The following DIAPH1 variants were observed in gnomAD, a reference collection of about 807,000 sequenced individuals.
DIAPH1 encodes the protein protein diaphanous homolog 1.
A neutral mutation model predicts 140.7 loss-of-function variants in DIAPH1; 46 were observed. That is an observed-to-expected ratio of 0.33 (90% CI 0.26 to 0.42). The LOEUF is 0.42. DIAPH1 is among the 10% of genes least tolerant of loss of function. The pLI is 1.00. For synonymous variants in DIAPH1, 565 were observed against 551.6 expected, an observed-to-expected ratio of 1.02 and a Z score of -0.34; for missense variants, 1,310 against 1,558.7, an observed-to-expected ratio of 0.84 and a Z score of 2.69.
rs548134926 is a variant in DIAPH1 at position 141,573,695 on chromosome 5, G to A, written c.2155C>T (p.Pro719Ser). ...GEAGMPPPPP[P>S]LPGGPGIPPP... ...GGGATTCCAGGACCACCAGGAAGAG[G>A]GGGAGGAGGAGGTGGCATTCCTGCT... Residue 719 changes from proline (P) to serine (S), a missense_variant, in exon 16 of 28, where the codon CCT becomes TCT. Physicochemically the swap from Pro to Ser is moderately conservative, Grantham distance 74. Around this residue, in one of 3 missense-constraint regions of DIAPH1, gnomAD observed 589 missense variants for 549.3 expected, o/e 1.07. Transcript: ENST00000389054. 3.1e-6 allele frequency: 5 copies of A among 1,602,992 alleles called. No individual in the cohort carries two copies. The highest frequency in any genetic ancestry group is 2.2e-5 in the East Asian group (1 of 44,602).
At chr5:141,569,264 G>A (rs1326380986) in intron 18 of DIAPH1, among the ~76,000 whole-genome samples, 6 of 152,042 alleles carry the variant, frequency 3.9e-5, no homozygotes, top group Non-Finnish European at 8.8e-5. Context: ...TTTTTATACA[G>A]TTTGGAAAAA....
intron 1 of DIAPH1, chr5:141,618,493 A>AGGCTGAGAGGGGAGAGACGG (rs1225108745): frequency 4.2e-5 from 12 of 285,990 alleles, no homozygotes; most frequent in Admixed American, 2.2e-4. Context: ...AAAGGAAGTG[A>AGGCTGAGAGGGGAGAGACGG]GGCTGAGAGG....
chr5:141,532,027 G>T (rs1381049077), intron 19 of DIAPH1, among the ~76,000 whole-genome samples: 1 of 152,104 alleles, frequency 6.6e-6, no homozygotes, highest in East Asian at 1.9e-4. Flanking sequence ...AAATTACACA[G>T]GATAATCTCA....
intron 1 of DIAPH1, among the ~76,000 whole-genome samples, chr5:141,611,553 T>C (rs1020399338): frequency 1.3e-5 from 2 of 151,574 alleles, no homozygotes; most frequent in African/African-American, 4.9e-5. Flanking sequence ...GAGACTACCA[T>C]TTCAAAGACA....
chr5:141,591,256 T>G (rs775712516), intron 1 of DIAPH1, among the ~76,000 whole-genome samples: 25 of 152,152 alleles, frequency 1.6e-4, no homozygotes, highest in Non-Finnish European at 3.4e-4. Context: ...AATGGATATG[T>G]ACCTTTCCTT....
intron 18 of DIAPH1, among the ~76,000 whole-genome samples, chr5:141,555,274 C>T (rs2154595736): frequency 6.6e-6 from 1 of 152,320 alleles, no homozygotes; most frequent in South Asian, 2.1e-4. Context: ...TGTCACCAAA[C>T]AGGAAACTGT....
intron 18 of DIAPH1, among the ~76,000 whole-genome samples, chr5:141,548,742 G>C (rs1274495165): frequency 6.6e-6 from 1 of 152,142 alleles, no homozygotes; most frequent in Non-Finnish European, 1.5e-5. Flanking sequence ...AGGAGGCTGA[G>C]GCTGCAGTGA....
At chr5:141,607,242 A>G (rs2099901124) in intron 1 of DIAPH1, among the ~76,000 whole-genome samples, 1 of 152,126 alleles carries the variant, frequency 6.6e-6, no homozygotes, top group Non-Finnish European at 1.5e-5. Flanking sequence ...AGAAGAAACA[A>G]CAGGGCCCAA....
chr5:141,553,293 A>T lies in DIAPH1; in HGVS notation c.2482+18135T>A, dbSNP rs540229562. On this transcript the variant is annotated intron_variant, in intron 18 of 27. Transcript: ENST00000389054. The stretch of plus-strand genomic sequence containing the variant: ...GGTGACAGGCTGTCTTTTTTTTTTG[A>T]CCCTGTCTCAAAAAAACAACTTAAG... 3.4e-5 allele frequency among the ~76,000 whole-genome samples: 5 copies of T among 148,278 alleles called. No individual in the cohort carries two copies. In the South Asian group the frequency reaches 1.1e-3, roughly 32 times the overall value.
intron 1 of DIAPH1, among the ~76,000 whole-genome samples, chr5:141,596,773 C>G (rs1192121346): frequency 6.6e-6 from 1 of 152,220 alleles, no homozygotes; most frequent in Non-Finnish European, 1.5e-5. Context: ...AGTTTCCAAT[C>G]TGCTTTGTAA....
chr5:141,580,937 G>A (rs1484939164), intron 7 of DIAPH1, 54 bp from the exon 8 acceptor site: 1 of 1,612,668 alleles, frequency 6.2e-7, no homozygotes, highest in Non-Finnish European at 8.5e-7. Context: ...CATCTAACTG[G>A]GGGACAAGTT....
In DIAPH1 at chr5:141,578,324, T is replaced by C; in HGVS notation, c.1064A>G (p.Asn355Ser). ...ATTTAGTTGCACTCTCATATCTTCA[T>C]TTTCAATCTCTCGAAGGTCCTGTCA... ...QVLQDLREIE[N>S]EDMRVQLNVF... The change falls in exon 11 of 28, where the codon AAT becomes AGT. Residue 355 changes from asparagine to serine, a missense_variant. Physicochemically the swap from Asn to Ser is conservative, Grantham distance 46. Around this residue, in one of 3 missense-constraint regions of DIAPH1, gnomAD observed 377 missense variants for 497.1 expected, o/e 0.76. Coordinates refer to ENST00000389054, the MANE Select transcript of DIAPH1 (RefSeq NM_005219.5). 1.1e-5 allele frequency: 18 copies of C among 1,613,932 alleles called. No homozygotes were observed. Among genetic ancestry groups the C allele is most frequent in the Non-Finnish European group, 1.4e-5 (16 of 1,179,788 alleles).
rs190293598 is a variant in DIAPH1, at chr5:141,561,189, C to T, written c.2482+10239G>A. ...CACACACAGGAGAGTGCCGTATCTT[C>T]CCATCTAATAGATCTAAAAGAAGAA... On this transcript the variant is annotated intron_variant, in intron 18 of 27. Transcript: ENST00000389054. Among the ~76,000 whole-genome samples, 222 of 152,122 alleles carry T rather than the reference C, an allele frequency of 1.5e-3. 1 individual carries two copies. The highest frequency in any genetic ancestry group is 1.6e-3 in the Non-Finnish European group (107 of 68,006).
At chr5:141,527,069 TGGGGA>T (rs943483029) in intron 24 of DIAPH1, among the ~76,000 whole-genome samples, 2 of 152,072 alleles carry the variant, frequency 1.3e-5, no homozygotes, top group Non-Finnish European at 2.9e-5. Flanking sequence ...TGGTTACCTC[TGGGGA>T]GGGGAAAGAG....
chr5:141,575,884 T>A (rs151120959), intron 14 of DIAPH1, among the ~76,000 whole-genome samples: 1 of 152,146 alleles, frequency 6.6e-6, no homozygotes, highest in African/African-American at 2.4e-5. Context: ...CATCCTCTAG[T>A]TCTATTGCTC....
chr5:141,540,287 ATT>A (rs112618071), intron 18 of DIAPH1, among the ~76,000 whole-genome samples: 10 of 141,948 alleles, frequency 7.0e-5, no homozygotes, highest in East Asian at 2.1e-4. Context: ...TGCCTGGCTA[ATT>A]TTTTTTTTTT....
At position 141,516,923 on chromosome 5, in the gene DIAPH1, C is replaced by T; in HGVS notation, c.3747G>A (p.Lys1249=). ...GGAATGTCTCACTGTTCTTGGACACCTTGGCAGGAACAGCAGCCATGGCAT... is the reference window on the plus strand; with the variant it reads ...GGAATGTCTCACTGTTCTTGGACACTTTGGCAGGAACAGCAGCCATGGCAT... ...KDDAMAAVPA[K]VSKNSETFPT... Residue 1249 remains lysine (K), a synonymous_variant, in exon 28 of 28, where the codon AAG becomes AAA. Coordinates refer to ENST00000389054, the MANE Select transcript of DIAPH1 (RefSeq NM_005219.5). The T allele has an allele frequency of 3.7e-6, 6 of 1,614,238 alleles. No individual in the cohort carries two copies. Among genetic ancestry groups the T allele is most frequent in the Non-Finnish European group, 5.1e-6 (6 of 1,180,046 alleles).
intron 3 of DIAPH1, 60 bp from the exon 4 acceptor site, chr5:141,584,285 A>C: frequency 3.2e-6 from 3 of 936,624 alleles, no homozygotes; most frequent in Non-Finnish European, 5.2e-6. Flanking sequence ...ACAAATTTTT[A>C]GTGTTTAATA....
intron 1 of DIAPH1, among the ~76,000 whole-genome samples, chr5:141,588,562 A>C (rs957745792): frequency 6.6e-6 from 1 of 152,178 alleles, no homozygotes; most frequent in Admixed American, 6.5e-5. Flanking sequence ...TCAACTTCAT[A>C]GTAAATGAGG....
Sources: allele counts gnomAD v4.1 joint callset (sites outside exome capture counted in the v4.1 genomes callset), GRCh38; gene constraint gnomAD v4.1.1; regional missense constraint gnomAD v4.1.1; transcripts MANE v1.5; gene names NCBI Gene and HGNC (gene_info 2026-07-23, HGNC 2026-07-21).